COL19A1: variants seen among roughly 807,000 people sequenced by gnomAD.
The protein encoded by COL19A1 is collagen type XIX alpha 1 chain.
Under a neutral mutation model 190.2 loss-of-function variants are expected in COL19A1, and 159 were observed. The observed-to-expected ratio is 0.84, with a 90% CI of 0.73 to 0.95. The LOEUF (loss-of-function observed/expected upper bound fraction) is 0.95. COL19A1 is among the 40% of genes least tolerant of loss of function. COL19A1 has a pLI of 0.00. For synonymous variants in COL19A1, 509 were observed against 458.9 expected (o/e 1.11, Z -1.39); for missense variants, 1,418 against 1,431.9 (o/e 0.99, Z 0.16).
chr6:70,052,916 A>C (rs1780288151), intron 14 of COL19A1, among the ~76,000 whole-genome samples: 2 of 152,160 alleles, frequency 1.3e-5, no homozygotes, highest in Non-Finnish European at 2.9e-5. Context: ...CTATAAAGGG[A>C]ATGCTTCTAT....
intron 15 of COL19A1, among the ~76,000 whole-genome samples, chr6:70,072,646 G>T (rs1204599702): frequency 6.6e-6 from 1 of 152,088 alleles, no homozygotes; most frequent in Non-Finnish European, 1.5e-5. Flanking sequence ...ACATTTTTGT[G>T]CAGGTTTTAC....
intron 15 of COL19A1, among the ~76,000 whole-genome samples, chr6:70,097,224 G>C (rs973605960): frequency 6.6e-6 from 1 of 152,058 alleles, no homozygotes; most frequent in African/African-American, 2.4e-5. Context: ...AAAAAAAAGA[G>C]CTTTTTAAAG....
intron 15 of COL19A1, among the ~76,000 whole-genome samples, chr6:70,077,802 TAATGTA>T (rs1454508946): frequency 2.9e-5 from 3 of 101,734 alleles, no homozygotes; most frequent in African/African-American, 1.8e-4. Context: ...TAAAATTCAA[TAATGTA>T]AACACAATTT....
intron 48 of COL19A1, among the ~76,000 whole-genome samples, chr6:70,195,933 A>G (rs554248882): frequency 2.0e-3 from 304 of 152,152 alleles, no homozygotes; most frequent in African/African-American, 6.6e-3. Context: ...GGCCTTTAGG[A>G]GGATTGTTTT....
At chr6:70,059,908 A>G in intron 14 of COL19A1, 1 of 337,172 alleles carries the variant, frequency 3.0e-6, no homozygotes, top group Non-Finnish European at 5.9e-6. Flanking sequence ...ATTTTTCATC[A>G]GCAAATTAAA....
intron 4 of COL19A1, among the ~76,000 whole-genome samples, chr6:69,910,106 C>A (rs1290271100): frequency 6.6e-6 from 1 of 152,054 alleles, no homozygotes; most frequent in Non-Finnish European, 1.5e-5. Flanking sequence ...TTTTAGGCAA[C>A]CAATAATTTC....
intron 34 of COL19A1, among the ~76,000 whole-genome samples, chr6:70,157,067 G>A (rs1233221299): frequency 2.0e-5 from 3 of 152,114 alleles, no homozygotes; most frequent in Non-Finnish European, 4.4e-5. Context: ...GTAGCTAAGA[G>A]ATTTAAAGGA....
chr6:70,193,101 G>GAAA (rs11395308), intron 48 of COL19A1, among the ~76,000 whole-genome samples: 1 of 145,900 alleles, frequency 6.9e-6, no homozygotes. Flanking sequence ...AGCATTTTCA[G>GAAA]AAAAAAAAAA....
At chr6:70,026,154 G>T (rs774140556) in intron 12 of COL19A1, among the ~76,000 whole-genome samples, 2 of 152,174 alleles carry the variant, frequency 1.3e-5, no homozygotes, top group Non-Finnish European at 2.9e-5. Flanking sequence ...TATTTGAGAG[G>T]TTGGAACCTG....
chr6:70,004,436 A>G (rs549692985), intron 11 of COL19A1, among the ~76,000 whole-genome samples: 51 of 152,250 alleles, frequency 3.3e-4, no homozygotes, highest in Non-Finnish European at 5.3e-4. Flanking sequence ...TAGGTTGAGG[A>G]AGTTCTCCTG....
chr6:70,150,256 A>G (rs1271799605), intron 30 of COL19A1, among the ~76,000 whole-genome samples: 1 of 152,170 alleles, frequency 6.6e-6, no homozygotes, highest in Non-Finnish European at 1.5e-5. Flanking sequence ...CTAAGGGCAT[A>G]ATTCAACTGT....
chr6:69,979,525 G>T (rs889368178), intron 11 of COL19A1, among the ~76,000 whole-genome samples: 2 of 151,814 alleles, frequency 1.3e-5, no homozygotes, highest in African/African-American at 4.8e-5. Context: ...CTAAAAGCCA[G>T]CAGCAAATAC....
At chr6:69,936,512 T>G (rs567553988) in intron 7 of COL19A1, among the ~76,000 whole-genome samples, 1 of 152,120 alleles carries the variant, frequency 6.6e-6, no homozygotes, top group Non-Finnish European at 1.5e-5. Flanking sequence ...TCTGTACTTA[T>G]CAAAAAGTTA....
intron 14 of COL19A1, among the ~76,000 whole-genome samples, chr6:70,066,744 T>G (rs1415583172): frequency 2.6e-5 from 4 of 152,070 alleles, no homozygotes; most frequent in Non-Finnish European, 4.4e-5. Context: ...AAGGTCATAT[T>G]ATAAAAATGA....
intron 12 of COL19A1, among the ~76,000 whole-genome samples, chr6:70,032,599 A>G (rs1175974845): frequency 2.6e-5 from 4 of 152,198 alleles, no homozygotes; most frequent in Non-Finnish European, 5.9e-5. Context: ...TCATTTAAGC[A>G]TATAATAATT....
chr6:70,192,757 T>G (rs1766962204), intron 48 of COL19A1, among the ~76,000 whole-genome samples: 1 of 152,196 alleles, frequency 6.6e-6, no homozygotes, highest in Non-Finnish European at 1.5e-5. Flanking sequence ...AGCCGTAAAC[T>G]AAACATGGGG....
chr6:69,994,870 T>C (rs1188628529), intron 11 of COL19A1, among the ~76,000 whole-genome samples: 2 of 152,142 alleles, frequency 1.3e-5, no homozygotes, highest in Non-Finnish European at 2.9e-5. Context: ...TTTTCAGAAA[T>C]GAGCCTATGT....
rs182010508 is a variant in COL19A1, at chr6:70,064,478, T to C, written c.1171-3945T>C. 6.1e-3 allele frequency among the ~76,000 whole-genome samples: 928 copies of C among 152,262 alleles called. 10 individuals are homozygous for C. The highest frequency in any genetic ancestry group is 0.02 in the African/African-American group (848 of 41,550). The stretch of plus-strand genomic sequence containing the variant: ...ACGTATCTCAAAATAATAAGAGCTA[T>C]TTATGACAAACCCACAGCCAATATC... On this transcript the variant is annotated intron_variant, in intron 14 of 50. Transcript: ENST00000620364.
chr6:69,929,172 A>G (rs551871003), intron 5 of COL19A1, among the ~76,000 whole-genome samples: 24 of 152,080 alleles, frequency 1.6e-4, no homozygotes, highest in East Asian at 5.8e-4. Flanking sequence ...ACACACACAC[A>G]CACACACACT....
Sources: allele counts gnomAD v4.1 joint callset (sites outside exome capture counted in the v4.1 genomes callset), GRCh38; gene constraint gnomAD v4.1.1; transcripts MANE v1.5; gene names NCBI Gene and HGNC (gene_info 2026-07-23, HGNC 2026-07-21).